DSCAML1: variants seen among roughly 807,000 people sequenced by gnomAD.
DSCAML1 encodes cell adhesion molecule DSCAML1.
DSCAML1 carries 38 observed loss-of-function variants against 200.5 expected under a neutral mutation model. That is an observed-to-expected ratio of 0.19 (90% confidence interval 0.15 to 0.25). The LOEUF is 0.25. DSCAML1 is among the 10% of genes least tolerant of loss of function. The probability of loss-of-function intolerance (pLI) is 1.00; values close to 1 mark genes in which losing one functional copy is unlikely to be tolerated. For missense variants in DSCAML1, 2,223 were observed against 2,858.8 expected (o/e 0.78, Z 5.07); for synonymous variants, 1,215 against 1,165.0 (o/e 1.04, Z -0.87).
At chr11:117,813,283 T>C (rs2055775859) in intron 1 of DSCAML1, among the ~76,000 whole-genome samples, 1 of 152,214 alleles carries the variant, frequency 6.6e-6, no homozygotes, top group Non-Finnish European at 1.5e-5. Context: ...GGCCCCAGTC[T>C]CATTCCAGAC....
intron 3 of DSCAML1, among the ~76,000 whole-genome samples, chr11:117,717,623 G>A (rs747732311): frequency 4.7e-4 from 72 of 152,324 alleles, no homozygotes; most frequent in Non-Finnish European, 7.5e-4. Context: ...ACTTCCTGGC[G>A]CCATGCCGTG....
intron 3 of DSCAML1, among the ~76,000 whole-genome samples, chr11:117,547,206 C>T (rs925947621): frequency 1.3e-5 from 2 of 152,230 alleles, no homozygotes; most frequent in Non-Finnish European, 2.9e-5. Context: ...GCCTCCAACC[C>T]TCCCCAGAGC....
At chr11:117,808,861 A>G (rs181644940) in intron 1 of DSCAML1, among the ~76,000 whole-genome samples, 22 of 152,298 alleles carry the variant, frequency 1.4e-4, no homozygotes, top group Admixed American at 9.8e-4. Context: ...TGGCGTACAT[A>G]TCTCATTTAC....
At chr11:117,702,659 A>C (rs765779069) in intron 3 of DSCAML1, among the ~76,000 whole-genome samples, 8 of 152,210 alleles carry the variant, frequency 5.3e-5, no homozygotes, top group Non-Finnish European at 1.2e-4. Flanking sequence ...GCATGAATGA[A>C]TGAAAACATA....
intron 8 of DSCAML1, among the ~76,000 whole-genome samples, chr11:117,513,499 G>C (rs991989820): frequency 5.9e-5 from 9 of 152,150 alleles, no homozygotes; most frequent in Admixed American, 3.9e-4. Flanking sequence ...CCAGCACTTT[G>C]GGAGGCCAAG....
intron 3 of DSCAML1, among the ~76,000 whole-genome samples, chr11:117,682,210 C>A (rs570031056): frequency 6.6e-6 from 1 of 152,214 alleles, no homozygotes; most frequent in African/African-American, 2.4e-5. Flanking sequence ...TTCAGCCACA[C>A]GTGAGATGCA....
chr11:117,624,352 C>T lies in DSCAML1; in HGVS notation c.512-91830G>A, dbSNP rs112915629. Among the ~76,000 whole-genome samples the T allele has an allele frequency of 8.8e-3, 1,339 of 152,250 alleles. 11 individuals are homozygous for T. Among genetic ancestry groups the T allele is most frequent in the Non-Finnish European group, 0.013 (852 of 68,028 alleles). Reference sequence around the variant, plus strand: ...ACTGGAGTCATTCCTGACCTTGTGGCTCTTGATAGAGTAGTGAATGGAAAG... The same window carrying T: ...ACTGGAGTCATTCCTGACCTTGTGGTTCTTGATAGAGTAGTGAATGGAAAG... On this transcript the variant is annotated intron_variant, in intron 3 of 32. Coordinates refer to ENST00000651296, the MANE Select transcript of DSCAML1 (RefSeq NM_020693.4).
intron 1 of DSCAML1, among the ~76,000 whole-genome samples, chr11:117,810,016 CACAT>C (rs1320601870): frequency 6.6e-6 from 1 of 151,810 alleles, no homozygotes; most frequent in Non-Finnish European, 1.5e-5. Context: ...CCCACACTCA[CACAT>C]ATTCAAATAT....
intron 3 of DSCAML1, among the ~76,000 whole-genome samples, chr11:117,640,626 T>C (rs2052388027): frequency 6.6e-6 from 1 of 152,188 alleles, no homozygotes; most frequent in South Asian, 2.1e-4. Flanking sequence ...CTTCAAAACA[T>C]GCCTTTAACC....
intron 3 of DSCAML1, among the ~76,000 whole-genome samples, chr11:117,680,401 C>T (rs2053291668): frequency 1.3e-5 from 2 of 152,200 alleles, no homozygotes; most frequent in Non-Finnish European, 2.9e-5. Flanking sequence ...TGCACAAGGT[C>T]CCCTCAGATC....
intron 3 of DSCAML1, among the ~76,000 whole-genome samples, chr11:117,727,981 G>A (rs1236531743): frequency 6.6e-6 from 1 of 152,214 alleles, no homozygotes; most frequent in Non-Finnish European, 1.5e-5. Flanking sequence ...GTTTTAGGAG[G>A]AGGGAGCAGT....
At chr11:117,741,287 T>C (rs7929757) in intron 3 of DSCAML1, among the ~76,000 whole-genome samples, 13,616 of 152,260 alleles carry the variant, frequency 0.089, 1,149 homozygotes, top group African/African-American at 0.22. Context: ...TGCCTGGGTC[T>C]GGTCTACAAA....
chr11:117,740,396 C>A (rs1194888854), intron 3 of DSCAML1, among the ~76,000 whole-genome samples: 2 of 152,076 alleles, frequency 1.3e-5, no homozygotes, highest in African/African-American at 2.4e-5. Flanking sequence ...ACCAATGATC[C>A]CAGTATGCCC....
At chr11:117,544,636 C>T (rs755691975) in intron 3 of DSCAML1, among the ~76,000 whole-genome samples, 2 of 152,194 alleles carry the variant, frequency 1.3e-5, no homozygotes, top group Non-Finnish European at 2.9e-5. Flanking sequence ...TCTTCCTCTC[C>T]TTTCCTTGGA....
intron 3 of DSCAML1, among the ~76,000 whole-genome samples, chr11:117,557,064 T>C (rs2050571355): frequency 6.6e-6 from 1 of 152,104 alleles, no homozygotes; most frequent in African/African-American, 2.4e-5. Context: ...AGATCTTGGG[T>C]GAGGGATCTT....
chr11:117,625,903 T>C (rs1328903364), intron 3 of DSCAML1, among the ~76,000 whole-genome samples: 9 of 152,208 alleles, frequency 5.9e-5, no homozygotes, highest in Admixed American at 2.6e-4. Context: ...ATCCTGGGGC[T>C]GTGGCAGTCT....
At chr11:117,637,073 G>A (rs2052303303) in intron 3 of DSCAML1, among the ~76,000 whole-genome samples, 2 of 152,058 alleles carry the variant, frequency 1.3e-5, no homozygotes, top group South Asian at 2.1e-4. Context: ...CTGAGCAGGA[G>A]CCCCCTTTCC....
intron 18 of DSCAML1, among the ~76,000 whole-genome samples, chr11:117,459,332 T>C (rs2048434958): frequency 6.6e-6 from 1 of 152,256 alleles, no homozygotes; most frequent in African/African-American, 2.4e-5. Context: ...CCACTCTTCC[T>C]GCTGGCCAGC....
chr11:117,654,347 A>T (rs1410853190), intron 3 of DSCAML1, among the ~76,000 whole-genome samples: 1 of 152,208 alleles, frequency 6.6e-6, no homozygotes, highest in Non-Finnish European at 1.5e-5. Flanking sequence ...ATTGTATGGT[A>T]TAAGAATTCT....
Sources: gnomAD v4.1 joint callset for allele counts (sites outside exome capture counted in the v4.1 genomes callset) on GRCh38, gnomAD v4.1.1 for gene constraint, MANE v1.5 for transcripts, NCBI Gene and HGNC (gene_info 2026-07-23, HGNC 2026-07-21) for gene names.